Variants in UPRT observed in about 807,000 individuals in gnomAD.
UPRT encodes the protein RP11-311P8.3.
UPRT carries 5 observed loss-of-function variants against 22.6 expected under a neutral mutation model. That is an observed-to-expected ratio of 0.22 (90% CI 0.12 to 0.47). The LOEUF (loss-of-function observed/expected upper bound fraction) is 0.47, where lower values mean the gene tolerates loss of function less well. Ranked by LOEUF, UPRT falls within the 20% of genes least tolerant of loss-of-function variation. The pLI is 0.99. For synonymous variants in UPRT, 77 were observed against 87.7 expected (o/e 0.88, Z 0.68); for missense variants, 181 against 239.9 (o/e 0.75, Z 1.62).
chrX:75,223,701 G>A (rs1028101329), intron 4 of UPRT, among the ~76,000 whole-genome samples: 1 of 111,605 alleles, frequency 9.0e-6, no homozygotes, highest in Non-Finnish European at 1.9e-5. Flanking sequence ...TCTGTATCAC[G>A]TGGTCACTGC....
chrX:75,185,999 G>A (rs1253103978), intron 4 of UPRT, among the ~76,000 whole-genome samples: 1 of 42,303 alleles, frequency 2.4e-5, no homozygotes, highest in African/African-American at 4.1e-5. Flanking sequence ...TTTTTTGAAG[G>A]GTTTTTTGTG....
chrX:75,223,626 G>C (rs892009106), intron 4 of UPRT, among the ~76,000 whole-genome samples: 9 of 111,526 alleles, frequency 8.1e-5, no homozygotes, highest in African/African-American at 2.0e-4. Flanking sequence ...CAGGACAGAA[G>C]TAAGTTTTAA....
chrX:75,302,366 G>GTA (rs747833986), intron 6 of UPRT, among the ~76,000 whole-genome samples: 18 of 111,237 alleles, frequency 1.6e-4, no homozygotes, highest in Non-Finnish European at 3.0e-4. Context: ...AGTTCTAATA[G>GTA]TATACATGAG....
chrX:75,185,794 C>G (rs2082288103), intron 4 of UPRT, among the ~76,000 whole-genome samples: 3 of 111,738 alleles, frequency 2.7e-5, no homozygotes, highest in South Asian at 7.5e-4. Context: ...TCTAGATTTT[C>G]TAGTTTATTT....
intron 4 of UPRT, among the ~76,000 whole-genome samples, chrX:75,265,198 C>G (rs1299618538): frequency 9.0e-6 from 1 of 111,270 alleles, no homozygotes; most frequent in African/African-American, 3.3e-5. Context: ...GTGGCATTCT[C>G]TGTATTTTCT....
chrX:75,287,221 A>G (rs2082685758), intron 1 of UPRT, among the ~76,000 whole-genome samples: 1 of 111,899 alleles, frequency 8.9e-6, no homozygotes, highest in Non-Finnish European at 1.9e-5. Context: ...AATGAGTGAT[A>G]AAATGTCAAT....
intron 4 of UPRT, among the ~76,000 whole-genome samples, chrX:75,236,302 T>C (rs950757245): frequency 1.8e-5 from 2 of 111,200 alleles, no homozygotes; most frequent in South Asian, 3.9e-4. Context: ...TAAAAGAGGA[T>C]ACAAACAAAT....
chrX:75,205,763 C>T (rs1326546852), intron 4 of UPRT, among the ~76,000 whole-genome samples: 2 of 111,542 alleles, frequency 1.8e-5, no homozygotes, highest in Non-Finnish European at 1.9e-5. Context: ...TAGACTGGGG[C>T]AAGTAAGCAT....
chrX:75,299,611 A>G (rs1255732842), intron 4 of UPRT, 124 bp from the exon 5 acceptor site: 2 of 772,375 alleles, frequency 2.6e-6, no homozygotes, highest in African/African-American at 4.3e-5. Context: ...TGTCAGCTTC[A>G]AAATAATTAT....
chrX:75,177,155 C>A (rs1036141186), intron 4 of UPRT, among the ~76,000 whole-genome samples: 1 of 110,462 alleles, frequency 9.1e-6, no homozygotes, highest in Non-Finnish European at 1.9e-5. Flanking sequence ...ACCGACACAG[C>A]AGCAGAAACA....
chrX:75,179,507 G>A (rs902294036), intron 4 of UPRT, among the ~76,000 whole-genome samples: 11 of 113,538 alleles, frequency 9.7e-5, no homozygotes, highest in Non-Finnish European at 2.1e-4. Flanking sequence ...CTCGCGCCAT[G>A]CGCTCGCACT....
intron 4 of UPRT, among the ~76,000 whole-genome samples, chrX:75,177,164 C>T (rs773859659): frequency 4.1e-4 from 46 of 110,976 alleles, no homozygotes; most frequent in Non-Finnish European, 7.9e-4. Context: ...GCAGCAGAAA[C>T]AACCCCTGCC....
At chrX:75,194,634 A>G (rs1208623962) in intron 4 of UPRT, among the ~76,000 whole-genome samples, 1 of 111,102 alleles carries the variant, frequency 9.0e-6, no homozygotes, top group African/African-American at 3.3e-5. Context: ...TGGGGTTGAC[A>G]TGCTGGTAGG....
chrX:75,266,777 G>T (rs941504916), intron 4 of UPRT, among the ~76,000 whole-genome samples: 1 of 111,234 alleles, frequency 9.0e-6, no homozygotes, highest in East Asian at 2.8e-4. Context: ...AGTGGGTGAA[G>T]AATATGAACA....
chrX:75,170,308 A>G (rs2082223546), intron 4 of UPRT, among the ~76,000 whole-genome samples: 1 of 111,675 alleles, frequency 9.0e-6, no homozygotes, highest in Non-Finnish European at 1.9e-5. Context: ...AATTGCTGGG[A>G]TTACAGGTGT....
At chrX:75,184,046 T>C (rs1334248552) in intron 4 of UPRT, among the ~76,000 whole-genome samples, 1 of 112,361 alleles carries the variant, frequency 8.9e-6, no homozygotes, top group Admixed American at 9.4e-5. Context: ...CATTTGTCAA[T>C]TTTGGCTTTT....
intron 4 of UPRT, among the ~76,000 whole-genome samples, chrX:75,237,803 T>C (rs867226226): frequency 3.0e-5 from 1 of 33,098 alleles, no homozygotes; most frequent in African/African-American, 1.3e-4. Flanking sequence ...TGTTGTGGGG[T>C]GGGGGGAGGG....
At chrX:75,215,945 T>G (rs375189716) in intron 4 of UPRT, among the ~76,000 whole-genome samples, 66 of 111,898 alleles carry the variant, frequency 5.9e-4, no homozygotes, top group African/African-American at 2.0e-3. Flanking sequence ...TATAAACATT[T>G]AAGGAAGAAA....
chrX:75,237,636 A>C (rs1310367017), intron 4 of UPRT, among the ~76,000 whole-genome samples: 2 of 110,523 alleles, frequency 1.8e-5, no homozygotes, highest in Non-Finnish European at 3.8e-5. Context: ...TGATGAATTC[A>C]TGTCCTTTTT....
Sources: gnomAD v4.1 joint callset for allele counts (sites outside exome capture counted in the v4.1 genomes callset) on GRCh38, gnomAD v4.1.1 for gene constraint, MANE v1.5 for transcripts, NCBI Gene and HGNC (gene_info 2026-07-23, HGNC 2026-07-21) for gene names.